Variants in CELF2 observed in about 807,000 individuals in gnomAD.
The protein encoded by CELF2 is CUG triplet repeat RNA-binding protein 2.
In CELF2, 8 loss-of-function variants were observed where a neutral mutation model predicts 62.6. The observed-to-expected ratio is 0.13, with a 90% CI of 0.07 to 0.23. The LOEUF is 0.23. Ranked by LOEUF, CELF2 falls within the 10% of genes least tolerant of loss-of-function variation. CELF2 has a pLI of 1.00. For missense variants in CELF2, 333 were observed against 671.0 expected (o/e 0.50, Z 5.56); for synonymous variants, 258 against 250.0 (o/e 1.03, Z -0.30).
chr10:10,664,373 A>G, the CELF2 span, among the ~76,000 whole-genome samples: 28 of 152,360 alleles, frequency 1.8e-4, no homozygotes, highest in African/African-American at 6.3e-4. Flanking sequence ...GATATTTTTA[A>G]AAAGCTCTGT....
At chr10:10,876,036 G>A (rs1014489176) in intron 1 of CELF2, among the ~76,000 whole-genome samples, 20 of 152,190 alleles carry the variant, frequency 1.3e-4, no homozygotes, top group African/African-American at 4.6e-4. Flanking sequence ...TGCATATGGC[G>A]TTATGTGTAC....
intron 1 of CELF2, among the ~76,000 whole-genome samples, chr10:11,041,534 GA>G (rs1456038278): frequency 6.6e-6 from 1 of 152,150 alleles, no homozygotes; most frequent in Admixed American, 6.5e-5. Flanking sequence ...TAATGAGGAT[GA>G]AAAAATAAAG....
chr10:11,252,578 C>G (rs990753767), intron 4 of CELF2, among the ~76,000 whole-genome samples: 3 of 152,182 alleles, frequency 2.0e-5, no homozygotes, highest in Non-Finnish European at 4.4e-5. Context: ...GGGTGAGCCC[C>G]GAAACGTTAG....
chr10:11,325,769 C>T (rs1272274915), intron 11 of CELF2, 67 bp from the exon 12 acceptor site: 1 of 1,440,942 alleles, frequency 6.9e-7, no homozygotes, highest in Non-Finnish European at 9.4e-7. Flanking sequence ...TAAAGTATTC[C>T]TAAGAAGGGA....
At chr10:10,907,958 G>A (rs895835926) in intron 1 of CELF2, among the ~76,000 whole-genome samples, 7 of 152,176 alleles carry the variant, frequency 4.6e-5, no homozygotes, top group Admixed American at 3.9e-4. Context: ...GAAAGCTCTC[G>A]GAGTAGTGTT....
At chr10:11,118,548 G>A (rs941677685) in intron 1 of CELF2, among the ~76,000 whole-genome samples, 2 of 152,144 alleles carry the variant, frequency 1.3e-5, no homozygotes, top group African/African-American at 4.8e-5. Flanking sequence ...AGTTCCTAAT[G>A]TCTCCATTTT....
intron 2 of CELF2, among the ~76,000 whole-genome samples, chr10:10,977,406 C>G (rs1215987526): frequency 6.6e-6 from 1 of 152,148 alleles, no homozygotes; most frequent in Non-Finnish European, 1.5e-5. Context: ...ACAGCAGACA[C>G]ATTGTTGACA....
chr10:10,986,228 A>G (rs2052734141), intron 2 of CELF2, among the ~76,000 whole-genome samples: 1 of 152,214 alleles, frequency 6.6e-6, no homozygotes, highest in Non-Finnish European at 1.5e-5. Context: ...TTAAAATTGC[A>G]AAAAATTCTA....
At chr10:10,786,781 G>C in the CELF2 span, 25 of 152,152 alleles carry the variant, frequency 1.6e-4, no homozygotes. Context: ...GTGAAAATCT[G>C]AAAGACAGTG....
At chr10:11,043,757 C>A (rs1181525105) in intron 1 of CELF2, among the ~76,000 whole-genome samples, 3 of 152,194 alleles carry the variant, frequency 2.0e-5, no homozygotes, top group Non-Finnish European at 4.4e-5. Flanking sequence ...ACGCCCCAGA[C>A]CGAGTACACA....
At chr10:11,128,789 G>C (rs1446877123) in intron 1 of CELF2, among the ~76,000 whole-genome samples, 1 of 152,106 alleles carries the variant, frequency 6.6e-6, no homozygotes, top group Non-Finnish European at 1.5e-5. Context: ...TGAGATGATG[G>C]GGTGTTCTAG....
intron 12 of CELF2, among the ~76,000 whole-genome samples, chr10:11,327,172 G>A (rs1014736625): frequency 1.8e-5 from 2 of 113,288 alleles, no homozygotes; most frequent in Non-Finnish European, 3.3e-5. Context: ...AGTAGAGAGG[G>A]ATATGCAAAT....
intron 2 of CELF2, among the ~76,000 whole-genome samples, chr10:10,969,329 G>A (rs1445164350): frequency 6.6e-6 from 1 of 152,200 alleles, no homozygotes; most frequent in East Asian, 1.9e-4. Context: ...TCACAGGTTG[G>A]GGGTAGGCAT....
At chr10:11,222,682 C>CT (rs2065223762) in intron 3 of CELF2, among the ~76,000 whole-genome samples, 1 of 152,196 alleles carries the variant, frequency 6.6e-6, no homozygotes, top group Non-Finnish European at 1.5e-5. Context: ...TGCCACTATG[C>CT]TTACACGTGG....
At chr10:10,627,194 G>C in the CELF2 span, among the ~76,000 whole-genome samples, 1 of 152,304 alleles carries the variant, frequency 6.6e-6, no homozygotes, top group East Asian at 1.9e-4. Context: ...AGGTTCACAG[G>C]AGTTTATATC....
Position 11,246,711 on chromosome 10 carries a change from T to TC in CELF2, c.355-2440dup, listed in dbSNP as rs1350268453. ...ACTCTGCTCTCCTTGGACTCCTCTT[T>TC]CCTGGTATTCTCTGCAGTTCTGTCC... On this transcript the variant is annotated intron_variant, in intron 3 of 12. Coordinates refer to ENST00000633077, the MANE Select transcript of CELF2 (RefSeq NM_001326342.2). This position sits in a 1 kb window ranked among gnomAD's most constrained non-coding sequence, Gnocchi z 4.6. Among the ~76,000 whole-genome samples, 1 of 152,180 alleles carries TC rather than the reference T, an allele frequency of 6.6e-6. No homozygotes were observed. Among genetic ancestry groups the TC allele is most frequent in the African/African-American group, 2.4e-5 (1 of 41,434 alleles).
intron 2 of CELF2, among the ~76,000 whole-genome samples, chr10:10,968,771 T>C (rs533373365): frequency 6.6e-6 from 1 of 152,160 alleles, no homozygotes; most frequent in Non-Finnish European, 1.5e-5. Flanking sequence ...GGACCATTGC[T>C]TCATGCTCAA....
At chr10:10,562,689 G>C in the CELF2 span, among the ~76,000 whole-genome samples, 1 of 143,838 alleles carries the variant, frequency 7.0e-6, no homozygotes, top group Non-Finnish European at 1.5e-5. Context: ...ACCCCTCACA[G>C]TTTCTACTGC....
At chr10:10,488,821 A>C in the CELF2 span, among the ~76,000 whole-genome samples, 1 of 152,102 alleles carries the variant, frequency 6.6e-6, no homozygotes, top group Non-Finnish European at 1.5e-5. Context: ...AAATCTTTCC[A>C]TTCTTTTCCT....
Sources: gnomAD v4.1 joint callset for allele counts (sites outside exome capture counted in the v4.1 genomes callset) on GRCh38, gnomAD v4.1.1 for gene constraint, Gnocchi (gnomAD v3.1) non-coding constraint, MANE v1.5 for transcripts, NCBI Gene and HGNC (gene_info 2026-07-23, HGNC 2026-07-21) for gene names.